The following TRAPPC8 variants were observed in gnomAD, a reference collection of about 807,000 sequenced individuals.
TRAPPC8 encodes the protein general sporulation gene 1 homolog.
TRAPPC8 carries 54 observed loss-of-function variants against 174.3 expected under a neutral mutation model. The observed-to-expected ratio is 0.31, with a 90% confidence interval of 0.25 to 0.39. TRAPPC8 has a LOEUF of 0.39. Among genes scored for constraint, TRAPPC8 ranks in the 10% least tolerant of loss-of-function variants. The probability of loss-of-function intolerance (pLI) is 1.00; values close to 1 mark genes in which losing one functional copy is unlikely to be tolerated. For missense variants in TRAPPC8, 1,531 were observed against 1,699.1 expected (o/e 0.90, Z 1.74); for synonymous variants, 630 against 579.9 (o/e 1.09, Z -1.24).
At chr18:31,855,101 C>A (rs1025857517) in intron 21 of TRAPPC8, among the ~76,000 whole-genome samples, 5 of 151,756 alleles carry the variant, frequency 3.3e-5, no homozygotes, top group Non-Finnish European at 7.4e-5. Context: ...ACTTGGGAGG[C>A]TGAGGCATGA....
intron 1 of TRAPPC8, among the ~76,000 whole-genome samples, chr18:31,932,513 T>G (rs1486372501): frequency 6.6e-6 from 1 of 152,144 alleles, no homozygotes; most frequent in Non-Finnish European, 1.5e-5. Flanking sequence ...CACCGTCCTA[T>G]AGTCCTTGTT....
At chr18:31,849,439 T>TAA in intron 25 of TRAPPC8, 127 bp downstream of exon 25, 1 of 854,186 alleles carries the variant, frequency 1.2e-6, no homozygotes, top group Non-Finnish European at 1.6e-6. Flanking sequence ...ATGTAACTGT[T>TAA]AAAGTTTCAA....
Position 31,942,928 on chromosome 18 carries a change from GT to G in TRAPPC8, c.-165del, listed in dbSNP as rs2038415546. The G allele has an allele frequency of 8.1e-7, 1 of 1,228,594 alleles. No individual in the cohort carries two copies. Among genetic ancestry groups the G allele is most frequent in the Non-Finnish European group, 1.0e-6 (1 of 982,296 alleles). 76.1% of individuals were successfully genotyped at this position (1,228,594 alleles called of 1,614,324 possible). A position where few individuals can be genotyped will look rare whatever the true frequency, so the allele number is the denominator to read the frequency against. On this transcript the variant is annotated 5_prime_UTR_variant, in exon 1 of 29. Coordinates refer to ENST00000283351, the MANE Select transcript of TRAPPC8 (RefSeq NM_014939.5). ...AGAAGGAACAGACGCCGCCGCTTCG[GT>G]TTCTGGGGCACAATCCACTGACCCC...
In TRAPPC8 at chr18:31,918,999, CTTATA is replaced by C. The variant is rs968925540; in HGVS notation, c.353-1337_353-1333del. On this transcript the variant is annotated intron_variant, in intron 2 of 28. Transcript: ENST00000283351. ...GAAAACAGCAAATATATTCTTTCTG[CTTATA>C]TTATAATACTATATTAAACAACTGG... 4.6e-5 allele frequency among the ~76,000 whole-genome samples: 7 copies of C among 152,142 alleles called. No individual in the cohort carries two copies. The East Asian group carries it at 9.6e-4, about 21-fold the overall frequency.
chr18:31,921,580 T>G (rs1008841334), intron 2 of TRAPPC8, among the ~76,000 whole-genome samples: 1 of 146,088 alleles, frequency 6.8e-6, no homozygotes, highest in African/African-American at 2.6e-5. Flanking sequence ...CGCACCATTG[T>G]ACTACTCCAG....
At position 31,890,641 on chromosome 18, in the gene TRAPPC8, GTTT is replaced by G. The variant is rs955221814; in HGVS notation, c.1728+91_1728+93del. On this transcript the variant is annotated intron_variant, in intron 12 of 28. Transcript: ENST00000283351. ...ATACATTACCTCAGAACAAAATTTA[GTTT>G]TTAAGATCCTTTTTAAATAATAAAA... 2.8e-6 allele frequency: 4 copies of G among 1,441,366 alleles called. No homozygotes were observed. The South Asian group carries it at 5.2e-5, about 19-fold the overall frequency. The allele number at this position is 1,441,366 out of a possible 1,614,324, so 89.3% of individuals were successfully genotyped here.
chr18:31,933,108 T>C (rs1478159100), intron 1 of TRAPPC8, among the ~76,000 whole-genome samples: 2 of 151,146 alleles, frequency 1.3e-5, no homozygotes, highest in East Asian at 2.0e-4. Flanking sequence ...GAGACCATCC[T>C]GGCTAACACG....
chr18:31,924,738 C>CAAAAA (rs398032376), intron 2 of TRAPPC8, among the ~76,000 whole-genome samples: 19 of 91,862 alleles, frequency 2.1e-4, no homozygotes, highest in African/African-American at 6.1e-4. Flanking sequence ...AACTCCGTCT[C>CAAAAA]AAAAAAAAAA....
chr18:31,873,307 C>G (rs141367031), intron 14 of TRAPPC8, 123 bp downstream of exon 14: 2 of 792,316 alleles, frequency 2.5e-6, no homozygotes, highest in East Asian at 5.9e-5. Flanking sequence ...ATGAGCCAAT[C>G]GTACCCGGCT....
intron 22 of TRAPPC8, among the ~76,000 whole-genome samples, 155 bp downstream of exon 22, chr18:31,853,694 T>C (rs575542471): frequency 6.6e-6 from 1 of 152,320 alleles, no homozygotes; most frequent in African/African-American, 2.4e-5. Context: ...TGGATCAAGA[T>C]AGGTAATTTG....
intron 11 of TRAPPC8, 156 bp from the exon 12 acceptor site, chr18:31,891,022 A>G (rs1239903711): frequency 6.0e-6 from 3 of 496,988 alleles, no homozygotes; most frequent in Non-Finnish European, 9.2e-6. Context: ...ACCAATCTTG[A>G]TTTTTCCAAT....
rs184518391 is a variant in TRAPPC8, at chr18:31,885,744, C to T, written c.1728+4991G>A. On this transcript the variant is annotated intron_variant, in intron 12 of 28. Coordinates refer to ENST00000283351, the MANE Select transcript of TRAPPC8 (RefSeq NM_014939.5). ...CAGGCGTGGTGCATGCCCGTAATCCCAGCTACTCGGGAGGCTGAGGTGGAA... is the reference window on the plus strand; with the variant it reads ...CAGGCGTGGTGCATGCCCGTAATCCTAGCTACTCGGGAGGCTGAGGTGGAA... Among the ~76,000 whole-genome samples the T allele has an allele frequency of 1.5e-3, 225 of 151,674 alleles. 1 individual carries two copies. Among genetic ancestry groups the T allele is most frequent in the African/African-American group, 5.3e-3 (219 of 41,420 alleles).
chr18:31,929,346 T>C (rs774755049), intron 2 of TRAPPC8, among the ~76,000 whole-genome samples: 11 of 151,998 alleles, frequency 7.2e-5, no homozygotes, highest in Non-Finnish European at 1.3e-4. Flanking sequence ...TTGAACATAG[T>C]GAGACCCTGT....
intron 1 of TRAPPC8, among the ~76,000 whole-genome samples, chr18:31,931,819 A>G (rs1353845063): frequency 6.6e-6 from 1 of 152,172 alleles, no homozygotes; most frequent in Non-Finnish European, 1.5e-5. Flanking sequence ...TACTATCCAT[A>G]CCACTTCCCT....
chr18:31,863,383 A>G (rs1010038043), intron 19 of TRAPPC8, among the ~76,000 whole-genome samples: 9 of 152,222 alleles, frequency 5.9e-5, no homozygotes, highest in Non-Finnish European at 1.2e-4. Flanking sequence ...AGTCAAATCT[A>G]GAACATGGAC....
At chr18:31,872,869 G>A (rs1467272964) in intron 14 of TRAPPC8, among the ~76,000 whole-genome samples, 1 of 152,070 alleles carries the variant, frequency 6.6e-6, no homozygotes, top group Non-Finnish European at 1.5e-5. Context: ...TTCTTTAAGT[G>A]AGAAAAGCTG....
At chr18:31,876,865 C>A (rs1281586600) in intron 12 of TRAPPC8, among the ~76,000 whole-genome samples, 1 of 152,202 alleles carries the variant, frequency 6.6e-6, no homozygotes, top group East Asian at 1.9e-4. Flanking sequence ...GGGTGGCCAG[C>A]TCACACAGGC....
chr18:31,870,690 C>T (rs959982900), intron 15 of TRAPPC8, among the ~76,000 whole-genome samples, 188 bp from the exon 16 acceptor site: 1 of 152,128 alleles, frequency 6.6e-6, no homozygotes, highest in Non-Finnish European at 1.5e-5. Flanking sequence ...AAAAGATTTC[C>T]CCAATTTCTC....
At chr18:31,883,091 C>T (rs1453686094) in intron 12 of TRAPPC8, among the ~76,000 whole-genome samples, 8 of 151,008 alleles carry the variant, frequency 5.3e-5, no homozygotes, top group Admixed American at 2.6e-4. Flanking sequence ...GGCGTGGTAG[C>T]GTGCGCCTGT....
Sources: allele counts gnomAD v4.1 joint callset (sites outside exome capture counted in the v4.1 genomes callset), GRCh38; gene constraint gnomAD v4.1.1; transcripts MANE v1.5; gene names NCBI Gene and HGNC (gene_info 2026-07-23, HGNC 2026-07-21).